PROX1: variants seen among roughly 807,000 people sequenced by gnomAD.
The protein encoded by PROX1 is prospero homeobox 1.
PROX1 carries 7 observed loss-of-function variants against 58.8 expected under a neutral mutation model. The observed-to-expected ratio is 0.12, with a 90% CI of 0.07 to 0.22. The LOEUF is 0.22. Ranked by LOEUF, PROX1 falls within the 10% of genes least tolerant of loss-of-function variation. PROX1 has a pLI of 1.00. For synonymous variants in PROX1, 350 were observed against 358.3 expected (o/e 0.98, Z 0.26); for missense variants, 675 against 927.8 (o/e 0.73, Z 3.54).
In PROX1 at chr1:214,041,375, C is replaced by T. The variant is rs1392985257; in HGVS notation, c.*5541C>T. ...ATGGAGATTTTCTTTCACTACAATT[C>T]TTCATTCTGTTAGCCTAACGTGCAG... On this transcript the variant is annotated 3_prime_UTR_variant, in exon 5 of 5. Transcript: ENST00000366958. The T allele has an allele frequency of 6.6e-6, 1 of 151,884 alleles. No individual in the cohort carries two copies. Among genetic ancestry groups the T allele is most frequent in the East Asian group, 1.9e-4 (1 of 5,182 alleles). 9.4% of individuals were successfully genotyped at this position (151,884 alleles called of 1,614,324 possible).
intron 1 of PROX1, among the ~76,000 whole-genome samples, chr1:213,991,411 C>G (rs1663031850): frequency 1.3e-5 from 2 of 152,066 alleles, no homozygotes; most frequent in South Asian, 4.1e-4. Context: ...ACATTAACGT[C>G]CCCCCACCTC....
intron 3 of PROX1, 74 bp downstream of exon 3, chr1:214,005,346 T>C (rs992414965): frequency 3.8e-5 from 43 of 1,127,242 alleles, no homozygotes; most frequent in Non-Finnish European, 5.1e-5. Flanking sequence ...CGGAAGTTAA[T>C]GGAGATGAAT....
At chr1:214,019,161 C>T (rs1460317350) in intron 4 of PROX1, among the ~76,000 whole-genome samples, 1 of 152,196 alleles carries the variant, frequency 6.6e-6, no homozygotes, top group African/African-American at 2.4e-5. Flanking sequence ...TGAAAATGAG[C>T]AGGGGTGACT....
chr1:214,023,538 G>C (rs1425403657), intron 4 of PROX1, among the ~76,000 whole-genome samples: 1 of 152,042 alleles, frequency 6.6e-6, no homozygotes, highest in Non-Finnish European at 1.5e-5. Flanking sequence ...GGCAGTTTTA[G>C]ATGATATAAC....
In PROX1 at chr1:213,997,803, C is replaced by G. The variant is rs755469557; in HGVS notation, c.1268C>G (p.Thr423Ser). Residue 423 changes from threonine to serine, a missense_variant, in exon 2 of 5, where the codon ACC becomes AGC. Transcript: ENST00000366958. The surrounding 1 kb of genome is among the most constrained non-coding windows in gnomAD (Gnocchi z 7.1). Reference protein sequence around the residue: ...GDVIIPNPLDTFGNVQMASST... With the variant: ...GDVIIPNPLDSFGNVQMASST... ...GTCATCATTCCGAACCCCCTGGACA[C>G]CTTTGGCAATGTGCAGATGGCCAGT... is the stretch of plus-strand genomic sequence containing the variant. The G allele has an allele frequency of 3.8e-5, 61 of 1,614,132 alleles. No homozygotes were observed. The highest frequency in any genetic ancestry group is 5.0e-5 in the Non-Finnish European group (59 of 1,180,046).
Position 213,988,273 on chromosome 1 carries a change from C to T in PROX1, c.-278C>T, listed in dbSNP as rs1662881503. On this transcript the variant is annotated 5_prime_UTR_variant, in exon 1 of 5. Transcript: ENST00000366958. ...CCCCTCCCGCCTCTCTCTCCCCTCT[C>T]CCTCTCCCACTCGCCCCGCTCGCTC... The T allele has an allele frequency of 1.3e-5, 2 of 152,976 alleles. No individual in the cohort carries two copies. Among genetic ancestry groups the T allele is most frequent in the South Asian group, 2.1e-4 (1 of 4,810 alleles). The allele number at this position is 152,976 out of a possible 1,614,324, so 9.5% of individuals were successfully genotyped here.
chr1:213,996,495 A>G lies in PROX1; in HGVS notation c.-41A>G. The G allele has an allele frequency of 1.3e-6, 2 of 1,573,732 alleles. No individual in the cohort carries two copies. The highest frequency in any genetic ancestry group is 1.4e-5 in the African/African-American group (1 of 73,932). ...GTCCCGGGATTCTTGAGCTGTGCCCAGCTGACGAGCTTTTGAAGATGGCAC... is the reference window on the plus strand; with the variant it reads ...GTCCCGGGATTCTTGAGCTGTGCCCGGCTGACGAGCTTTTGAAGATGGCAC... On this transcript the variant is annotated 5_prime_UTR_variant, in exon 2 of 5. Coordinates refer to ENST00000366958, the MANE Select transcript of PROX1 (RefSeq NM_001270616.2).
chr1:214,032,834 G>C (rs1664703683), intron 4 of PROX1, among the ~76,000 whole-genome samples: 1 of 152,142 alleles, frequency 6.6e-6, no homozygotes, highest in Non-Finnish European at 1.5e-5. Context: ...AATGCAAAAG[G>C]TGATAAAGGA....
At position 214,039,059 on chromosome 1, in the gene PROX1, T is replaced by A. The variant is rs1357182317; in HGVS notation, c.*3225T>A. Reference sequence around the variant, plus strand: ...TGTGCTATATATGTGTGCGCAGATGTGTGAACATAAAATCACATACACACA... The same window carrying A: ...TGTGCTATATATGTGTGCGCAGATGAGTGAACATAAAATCACATACACACA... On this transcript the variant is annotated 3_prime_UTR_variant, in exon 5 of 5. Coordinates refer to ENST00000366958, the MANE Select transcript of PROX1 (RefSeq NM_001270616.2). 6.6e-6 allele frequency: 1 copy of A among 152,220 alleles called. No individual in the cohort carries two copies. Among genetic ancestry groups the A allele is most frequent in the African/African-American group, 2.4e-5 (1 of 41,458 alleles). The allele number at this position is 152,220 out of a possible 1,614,324, so 9.4% of individuals were successfully genotyped here.
At chr1:214,010,078 C>T (rs1191157845) in intron 3 of PROX1, among the ~76,000 whole-genome samples, 1 of 152,120 alleles carries the variant, frequency 6.6e-6, no homozygotes, top group African/African-American at 2.4e-5. Context: ...CTTCAGTTGT[C>T]TTTTTAATCG....
chr1:214,002,677 A>G (rs894157341), intron 2 of PROX1, among the ~76,000 whole-genome samples: 1 of 151,948 alleles, frequency 6.6e-6, no homozygotes, highest in Non-Finnish European at 1.5e-5. Flanking sequence ...GTACAGCTGT[A>G]TGTTTACTGA....
intron 4 of PROX1, among the ~76,000 whole-genome samples, chr1:214,018,140 T>C (rs556211328): frequency 3.4e-3 from 519 of 152,356 alleles, no homozygotes; most frequent in Non-Finnish European, 5.7e-3. Flanking sequence ...TGTTCGAAGT[T>C]GGCCACCCCT....
chr1:213,984,125 C>T (rs934792631), upstream of PROX1: 6 of 152,230 alleles, frequency 3.9e-5, no homozygotes, highest in African/African-American at 1.4e-4. Context: ...AATGTACTTC[C>T]CTTTGATTGT....
chr1:214,000,487 G>A (rs1256406146), intron 2 of PROX1, among the ~76,000 whole-genome samples: 3 of 152,096 alleles, frequency 2.0e-5, no homozygotes, highest in African/African-American at 7.2e-5. Context: ...GATTCTGTTG[G>A]GAAACACCCG....
chr1:213,997,905 C>T lies in PROX1; in HGVS notation c.1370C>T (p.Ala457Val), dbSNP rs1414506105. The T allele has an allele frequency of 6.2e-7, 1 of 1,612,618 alleles. No individual in the cohort carries two copies. The highest frequency in any genetic ancestry group is 8.5e-7 in the Non-Finnish European group (1 of 1,179,164). Residue 457 changes from alanine to valine, a missense_variant, in exon 2 of 5, where the codon GCT (alanine) becomes GTT (valine). By Grantham distance (64) the Ala-to-Val change is moderately conservative. Coordinates refer to ENST00000366958, the MANE Select transcript of PROX1 (RefSeq NM_001270616.2). The surrounding 1 kb of genome is among the most constrained non-coding windows in gnomAD (Gnocchi z 7.1). ...SSDQSASGPA[A>V]GGHHQPLHQS... Reference sequence around the variant, plus strand: ...GACCAGTCTGCCTCCGGCCCTGCCGCTGGCGGCCACCACCAGCCCCTGCAC... The same window carrying T: ...GACCAGTCTGCCTCCGGCCCTGCCGTTGGCGGCCACCACCAGCCCCTGCAC...
At chr1:214,001,436 G>A (rs907645158) in intron 2 of PROX1, among the ~76,000 whole-genome samples, 1 of 152,138 alleles carries the variant, frequency 6.6e-6, no homozygotes, top group African/African-American at 2.4e-5. Flanking sequence ...GATGTTCCTT[G>A]TCATTCATCC....
chr1:213,987,110 T>C (rs1214180370), upstream of PROX1, among the ~76,000 whole-genome samples: 1 of 152,160 alleles, frequency 6.6e-6, no homozygotes. Context: ...GTTTGCAACA[T>C]ATATATTTTT....
intron 1 of PROX1, 26 bp from the exon 2 acceptor site, chr1:213,996,443 A>G: frequency 7.1e-7 from 1 of 1,416,028 alleles, no homozygotes; most frequent in Non-Finnish European, 9.5e-7. Context: ...AAAATGATTC[A>G]TCAGTCCTTT....
chr1:213,993,083 T>C (rs1010423718), intron 1 of PROX1, among the ~76,000 whole-genome samples: 4 of 152,194 alleles, frequency 2.6e-5, no homozygotes, highest in Non-Finnish European at 5.9e-5. Flanking sequence ...AAGATATGCA[T>C]TGTATAAGAA....
Sources: gnomAD v4.1 joint callset for allele counts (sites outside exome capture counted in the v4.1 genomes callset) on GRCh38, gnomAD v4.1.1 for gene constraint, Gnocchi (gnomAD v3.1) non-coding constraint, MANE v1.5 for transcripts, NCBI Gene and HGNC (gene_info 2026-07-23, HGNC 2026-07-21) for gene names.